DDHD1: variants seen among roughly 807,000 people sequenced by gnomAD.
DDHD1 encodes the protein DDHD domain containing 1, also known as phospholipase DDHD1.
Under a neutral mutation model 96.4 loss-of-function variants are expected in DDHD1, and 49 were observed. That is an observed-to-expected ratio of 0.51 (90% confidence interval 0.40 to 0.64). DDHD1 has a LOEUF of 0.64. Among genes scored for constraint, DDHD1 ranks in the 30% least tolerant of loss-of-function variants. The pLI, the probability that DDHD1 is intolerant of heterozygous loss-of-function variation, is 0.00. For missense variants in DDHD1, 1,106 were observed against 1,161.2 expected, an observed-to-expected ratio of 0.95 and a Z score of 0.69; for synonymous variants, 442 against 446.5, an observed-to-expected ratio of 0.99 and a Z score of 0.13.
intron 6 of DDHD1, among the ~76,000 whole-genome samples, chr14:53,067,971 C>T (rs1016025966): frequency 2.0e-5 from 3 of 151,998 alleles, no homozygotes; most frequent in African/African-American, 7.2e-5. Context: ...TGATCTTTTA[C>T]CCCTAAATTC....
chr14:53,066,920 T>G (rs1468340053), intron 6 of DDHD1, among the ~76,000 whole-genome samples: 2 of 146,814 alleles, frequency 1.4e-5, no homozygotes, highest in East Asian at 4.1e-4. Context: ...TGAGCTGAGA[T>G]CGTACCACTG....
intron 1 of DDHD1, 148 bp downstream of exon 1, chr14:53,152,113 G>GAATGAGGACGTGTAGAT: frequency 2.4e-6 from 2 of 833,736 alleles, no homozygotes; most frequent in Non-Finnish European, 1.8e-6. Flanking sequence ...AGCTGCCGAC[G>GAATGAGGACGTGTAGAT]CTCCCTGCTC....
At chr14:53,125,356 G>C (rs1281322634) in intron 1 of DDHD1, among the ~76,000 whole-genome samples, 1 of 151,932 alleles carries the variant, frequency 6.6e-6, no homozygotes, top group African/African-American at 2.4e-5. Context: ...TTTCTCTCTA[G>C]GTACTTAGCT....
chr14:53,114,990 G>C (rs1888433911), intron 1 of DDHD1, among the ~76,000 whole-genome samples: 1 of 152,118 alleles, frequency 6.6e-6, no homozygotes, highest in Non-Finnish European at 1.5e-5. Context: ...AAAGGTTACA[G>C]GAACTGCTAA....
At chr14:53,098,972 ATATATT>A (rs1251166424) in intron 2 of DDHD1, among the ~76,000 whole-genome samples, 3 of 151,982 alleles carry the variant, frequency 2.0e-5, no homozygotes, top group Non-Finnish European at 4.4e-5. Flanking sequence ...ATATATACAA[ATATATT>A]TATATTTGTT....
chr14:53,057,301 C>T (rs1022985821), intron 9 of DDHD1, among the ~76,000 whole-genome samples: 1 of 152,006 alleles, frequency 6.6e-6, no homozygotes, highest in East Asian at 1.9e-4. Flanking sequence ...TTTAGTTAAA[C>T]CAGCCTTGTC....
chr14:53,088,773 C>T (rs2139986658), intron 4 of DDHD1, among the ~76,000 whole-genome samples: 1 of 152,276 alleles, frequency 6.6e-6, no homozygotes, highest in South Asian at 2.1e-4. Flanking sequence ...CACAGGGATG[C>T]CCTCTCTCAC....
chr14:53,111,335 C>A (rs1888088244), intron 1 of DDHD1, among the ~76,000 whole-genome samples: 1 of 152,144 alleles, frequency 6.6e-6, no homozygotes, highest in South Asian at 2.1e-4. Context: ...ATAATTTAGA[C>A]CATCAAGCAT....
chr14:53,133,010 A>C (rs1262293708), intron 1 of DDHD1, among the ~76,000 whole-genome samples: 1 of 152,178 alleles, frequency 6.6e-6, no homozygotes, highest in Non-Finnish European at 1.5e-5. Flanking sequence ...TTCCAGACTC[A>C]CAGGCCCATT....
At chr14:53,080,500 CCTT>C (rs1481107432) in intron 4 of DDHD1, among the ~76,000 whole-genome samples, 1 of 152,068 alleles carries the variant, frequency 6.6e-6, no homozygotes, top group Admixed American at 6.6e-5. Context: ...TATTAAGAAT[CCTT>C]CATCTGTAAG....
chr14:53,103,920 G>A, intron 1 of DDHD1, 64 bp from the exon 2 acceptor site: 1 of 1,433,658 alleles, frequency 7.0e-7, no homozygotes, highest in Admixed American at 2.5e-5. Context: ...AAGAGACACA[G>A]TATCTACAAT....
intron 1 of DDHD1, among the ~76,000 whole-genome samples, chr14:53,123,620 A>ATT (rs1162685489): frequency 4.6e-5 from 7 of 152,240 alleles, no homozygotes; most frequent in African/African-American, 1.4e-4. Flanking sequence ...TAAATCTTGA[A>ATT]AACCTGTATT....
intron 1 of DDHD1, among the ~76,000 whole-genome samples, chr14:53,108,185 C>G (rs1887838970): frequency 6.6e-6 from 1 of 152,192 alleles, no homozygotes; most frequent in African/African-American, 2.4e-5. Context: ...CCCTCCGGAT[C>G]CGGCAGGGTG....
intron 2 of DDHD1, among the ~76,000 whole-genome samples, chr14:53,099,519 T>C (rs1302524245): frequency 1.3e-5 from 2 of 152,198 alleles, no homozygotes; most frequent in African/African-American, 4.8e-5. Context: ...CAGTACGAGT[T>C]TTCTCACGAC....
At chr14:53,137,476 C>A (rs1445504018) in intron 1 of DDHD1, among the ~76,000 whole-genome samples, 1 of 152,044 alleles carries the variant, frequency 6.6e-6, no homozygotes, top group South Asian at 2.1e-4. Flanking sequence ...CCTGTAATTC[C>A]AACTATTTGA....
intron 1 of DDHD1, among the ~76,000 whole-genome samples, chr14:53,110,084 G>A (rs1395783584): frequency 6.6e-6 from 1 of 152,166 alleles, no homozygotes; most frequent in Non-Finnish European, 1.5e-5. Context: ...GTATTTAGGT[G>A]GCTACCCAAG....
rs540126993 is a variant in DDHD1 at position 53,044,366 on chromosome 14, C to T, written c.*2402G>A. On this transcript the variant is annotated 3_prime_UTR_variant, in exon 13 of 13. Transcript: ENST00000673822. ...AGACATATTCCTATGGCTATAGGAA[C>T]ATACCTTTTACTCAGTGATATCAAA... 6.6e-6 allele frequency: 1 copy of T among 152,232 alleles called. No individual in the cohort carries two copies. Among genetic ancestry groups the T allele is most frequent in the Admixed American group, 6.5e-5 (1 of 15,284 alleles). 9.4% of individuals were successfully genotyped at this position (152,232 alleles called of 1,614,324 possible).
chr14:53,090,110 G>A (rs1485769914), intron 4 of DDHD1, among the ~76,000 whole-genome samples: 1 of 152,128 alleles, frequency 6.6e-6, no homozygotes, highest in Non-Finnish European at 1.5e-5. Flanking sequence ...GCAGCCAACA[G>A]ACACATGAAA....
intron 1 of DDHD1, among the ~76,000 whole-genome samples, chr14:53,108,821 G>GT (rs1566572932): frequency 6.6e-6 from 1 of 152,056 alleles, no homozygotes; most frequent in African/African-American, 2.4e-5. Flanking sequence ...TAAGTTTGTG[G>GT]TTTTTGTAGT....
Sources: gnomAD v4.1 joint callset for allele counts (sites outside exome capture counted in the v4.1 genomes callset) on GRCh38, gnomAD v4.1.1 for gene constraint, MANE v1.5 for transcripts, NCBI Gene and HGNC (gene_info 2026-07-23, HGNC 2026-07-21) for gene names.